Variants in GK5 observed in about 807,000 individuals in gnomAD.
The protein encoded by GK5 is ATP:glycerol 3-phosphotransferase 5.
In GK5, 39 loss-of-function variants were observed where a neutral mutation model predicts 77.3. The ratio of observed to expected loss-of-function variants is 0.50; its 90% CI spans 0.39 to 0.66. GK5 has a LOEUF of 0.66. GK5 is among the 30% of genes least tolerant of loss of function. GK5 has a pLI of 0.00. For synonymous variants in GK5, 211 were observed against 208.0 expected (o/e 1.01, Z -0.13); for missense variants, 487 against 633.8 (o/e 0.77, Z 2.49).
At chr3:142,206,106 A>G (rs985409892) in intron 3 of GK5, among the ~76,000 whole-genome samples, 9 of 152,296 alleles carry the variant, frequency 5.9e-5, no homozygotes, top group Non-Finnish European at 7.4e-5. Context: ...ATTCCGTTTT[A>G]TGGCTGAACA....
chr3:142,213,841 G>C (rs1560236879), intron 2 of GK5, among the ~76,000 whole-genome samples: 1 of 151,732 alleles, frequency 6.6e-6, no homozygotes, highest in Non-Finnish European at 1.5e-5. Flanking sequence ...TTTTTGTTTT[G>C]AGACAAAGTG....
chr3:142,174,888 G>A lies in GK5; in HGVS notation c.1144-2432C>T, dbSNP rs141645740. Among the ~76,000 whole-genome samples, 20 of 152,308 alleles carry A rather than the reference G, an allele frequency of 1.3e-4. No homozygotes were observed. In the East Asian group the frequency reaches 3.5e-3, roughly 26 times the overall value. Reference sequence around the variant, plus strand: ...TCAATGGGGGAACTGAAGCTAAAAGGATGCATAAGGTAGAGGAAGGTTGTA... The same window carrying A: ...TCAATGGGGGAACTGAAGCTAAAAGAATGCATAAGGTAGAGGAAGGTTGTA... On this transcript the variant is annotated intron_variant, in intron 12 of 15. Coordinates refer to ENST00000392993, the MANE Select transcript of GK5 (RefSeq NM_001039547.3).
intron 5 of GK5, among the ~76,000 whole-genome samples, chr3:142,194,948 G>T (rs941555713): frequency 2.6e-5 from 4 of 151,266 alleles, no homozygotes; most frequent in Non-Finnish European, 5.9e-5. Context: ...TCTTTGTCTT[G>T]TTCCCGAACT....
intron 3 of GK5, among the ~76,000 whole-genome samples, chr3:142,209,889 T>A (rs1256847404): frequency 6.6e-6 from 1 of 152,012 alleles, no homozygotes; most frequent in African/African-American, 2.4e-5. Flanking sequence ...CACACCCTGA[T>A]CTGAAGTTAG....
intron 5 of GK5, among the ~76,000 whole-genome samples, chr3:142,192,831 A>G (rs1222332954): frequency 6.6e-6 from 1 of 152,136 alleles, no homozygotes; most frequent in Non-Finnish European, 1.5e-5. Flanking sequence ...TTATTAGGTG[A>G]TAAAAAGAAA....
chr3:142,166,621 C>T lies in GK5; in HGVS notation c.1442-851G>A, dbSNP rs112537340. On this transcript the variant is annotated intron_variant, in intron 15 of 15. Transcript: ENST00000392993. ...CGATCTCAGCTCACTGCAACCTCCACCTCCCGGGTTCAAGCAATTATCCTG... is the reference window on the plus strand; with the variant it reads ...CGATCTCAGCTCACTGCAACCTCCATCTCCCGGGTTCAAGCAATTATCCTG... Among the ~76,000 whole-genome samples the T allele has an allele frequency of 1.7e-4, 25 of 151,470 alleles. 1 individual carries two copies. Among genetic ancestry groups the T allele is most frequent in the African/African-American group, 4.4e-4 (18 of 41,060 alleles).
chr3:142,186,528 GA>G lies in GK5; in HGVS notation c.620-16del. 4 of 1,259,318 alleles carry G rather than the reference GA, an allele frequency of 3.2e-6. No homozygotes were observed. The highest frequency in any genetic ancestry group is 4.5e-6 in the Non-Finnish European group (4 of 891,576). 78.0% of individuals were successfully genotyped at this position (1,259,318 alleles called of 1,614,324 possible). On this transcript the variant is annotated splice_polypyrimidine_tract_variant and intron_variant, in intron 6 of 15. Transcript: ENST00000392993. ...ATATACAGAACCTAAATTTAAATAG[GA>G]AATAATACATTTATTATCAGATAGT...
chr3:142,218,985 T>C (rs1234399746), intron 1 of GK5, among the ~76,000 whole-genome samples: 1 of 152,154 alleles, frequency 6.6e-6, no homozygotes, highest in African/African-American at 2.4e-5. Flanking sequence ...AATATGTACA[T>C]GAAGTTAGAT....
chr3:142,197,530 G>A (rs1287484516), intron 5 of GK5, among the ~76,000 whole-genome samples: 2 of 151,836 alleles, frequency 1.3e-5, no homozygotes, highest in African/African-American at 4.8e-5. Context: ...GTCCCTTATA[G>A]ACAACATATA....
At chr3:142,171,256 A>G (rs989052993) in intron 14 of GK5, among the ~76,000 whole-genome samples, 163 bp downstream of exon 14, 1 of 151,930 alleles carries the variant, frequency 6.6e-6, no homozygotes, top group East Asian at 1.9e-4. Flanking sequence ...TAAAAAAAAA[A>G]GAATTTTGTT....
chr3:142,197,709 GT>G (rs1463364234), intron 5 of GK5, among the ~76,000 whole-genome samples: 1 of 152,260 alleles, frequency 6.6e-6, no homozygotes, highest in East Asian at 1.9e-4. Context: ...TTGCAAAAGT[GT>G]TTTGACATTA....
chr3:142,180,398 G>A (rs1485694339), intron 11 of GK5, among the ~76,000 whole-genome samples: 1 of 151,830 alleles, frequency 6.6e-6, no homozygotes, highest in Non-Finnish European at 1.5e-5. Context: ...CACCTCCTGG[G>A]TTCAAGTGAT....
intron 5 of GK5, among the ~76,000 whole-genome samples, chr3:142,190,300 A>G (rs1434686564): frequency 6.6e-6 from 1 of 152,182 alleles, no homozygotes; most frequent in African/African-American, 2.4e-5. Context: ...AAAATGTACA[A>G]GAGGGGACTC....
intron 3 of GK5, among the ~76,000 whole-genome samples, chr3:142,210,283 G>A (rs1224508797): frequency 6.6e-6 from 1 of 152,194 alleles, no homozygotes; most frequent in Non-Finnish European, 1.5e-5. Flanking sequence ...AACAAGCTGG[G>A]AGGAGGAGCT....
chr3:142,203,862 G>T (rs1185155795), intron 4 of GK5, among the ~76,000 whole-genome samples: 1 of 152,158 alleles, frequency 6.6e-6, no homozygotes, highest in East Asian at 1.9e-4. Context: ...TCGAGGAGCT[G>T]GAAAACTGTT....
chr3:142,171,330 G>C (rs1172615689), intron 14 of GK5, 89 bp downstream of exon 14: 11 of 1,173,914 alleles, frequency 9.4e-6, no homozygotes, highest in Non-Finnish European at 1.3e-5. Flanking sequence ...AATTATTCAG[G>C]ATCTAAAAAA....
At chr3:142,209,713 G>A in intron 3 of GK5, among the ~76,000 whole-genome samples, 1 of 152,304 alleles carries the variant, frequency 6.6e-6, no homozygotes, top group Non-Finnish European at 1.5e-5. Context: ...GGAATATAGA[G>A]TAATTTGTGT....
chr3:142,170,519 G>C, intron 14 of GK5, 61 bp from the exon 15 acceptor site: 4 of 1,379,924 alleles, frequency 2.9e-6, no homozygotes, highest in Non-Finnish European at 3.9e-6. Flanking sequence ...CTTTTTCAGT[G>C]GGCCACATTT....
rs2063721114 is a variant in GK5, at chr3:142,183,230, C to T, written c.817-181G>A. Reference sequence around the variant, plus strand: ...AGCAACAACCATAGGATAGGAGTCTCCCTAGGACTAATACTCTGCAGATAA... The same window carrying T: ...AGCAACAACCATAGGATAGGAGTCTTCCTAGGACTAATACTCTGCAGATAA... On this transcript the variant is annotated intron_variant, in intron 9 of 15. Transcript: ENST00000392993. The T allele has an allele frequency of 7.6e-6, 4 of 523,076 alleles. No homozygotes were observed. The South Asian group carries it at 1.2e-4, about 15-fold the overall frequency. 32.4% of individuals were successfully genotyped at this position (523,076 alleles called of 1,614,324 possible).
Sources: gnomAD v4.1 joint callset for allele counts (sites outside exome capture counted in the v4.1 genomes callset) on GRCh38, gnomAD v4.1.1 for gene constraint, MANE v1.5 for transcripts, NCBI Gene and HGNC (gene_info 2026-07-23, HGNC 2026-07-21) for gene names.